The following HDAC8 variants were observed in gnomAD, a reference collection of about 807,000 sequenced individuals.
HDAC8 encodes the protein histone deacetylase 8.
In HDAC8, 1 loss-of-function variant was observed where a neutral mutation model predicts 32.2. The observed-to-expected ratio is 0.03, with a 90% confidence interval of 0.01 to 0.15. The LOEUF (loss-of-function observed/expected upper bound fraction) is 0.15. HDAC8 is among the 10% of genes least tolerant of loss of function. The probability of loss-of-function intolerance (pLI) is 1.00; values close to 1 mark genes in which losing one functional copy is unlikely to be tolerated. For synonymous variants in HDAC8, 108 were observed against 113.9 expected (o/e 0.95, Z 0.33); for missense variants, 117 against 300.0 (o/e 0.39, Z 4.51).
chrX:72,376,361 T>G (rs145093713), intron 9 of HDAC8, among the ~76,000 whole-genome samples: 71 of 112,403 alleles, frequency 6.3e-4, no homozygotes, highest in African/African-American at 2.2e-3. Flanking sequence ...TTTCACCAAA[T>G]TTCTCTACTG....
intron 10 of HDAC8, among the ~76,000 whole-genome samples, chrX:72,331,033 A>G (rs188503269): frequency 5.0e-4 from 50 of 99,557 alleles, no homozygotes; most frequent in African/African-American, 1.7e-3. Flanking sequence ...GCTCACTGCA[A>G]TCTCCCGGGT....
chrX:72,572,125 T>TAAA lies in HDAC8; in HGVS notation c.112-19_112-17dup. 3 of 993,265 alleles carry TAAA rather than the reference T, an allele frequency of 3.0e-6. No homozygotes were observed. The highest frequency in any genetic ancestry group is 3.2e-5 in the Admixed American group (1 of 30,975). 81.9% of individuals were successfully genotyped at this position (993,265 alleles called of 1,213,427 possible). On this transcript the variant is annotated splice_polypyrimidine_tract_variant and intron_variant, in intron 1 of 10. Coordinates refer to ENST00000373573, the MANE Select transcript of HDAC8 (RefSeq NM_018486.3). ...CCATACTGGCCTAAAAACATCAGCG[T>TAAA]AAAAAAAAAAAAAGAAAAGCAGAAA...
chrX:72,396,882 T>C (rs782198366), intron 9 of HDAC8, among the ~76,000 whole-genome samples: 4 of 110,555 alleles, frequency 3.6e-5, no homozygotes, highest in Non-Finnish European at 5.6e-5. Context: ...GTACTGTGTA[T>C]GAAGCTGTTC....
intron 4 of HDAC8, among the ~76,000 whole-genome samples, chrX:72,497,195 C>T (rs189971255): frequency 3.8e-4 from 42 of 110,986 alleles, no homozygotes; most frequent in African/African-American, 9.2e-4. Context: ...ATAATGATGA[C>T]GAAGATGATG....
intron 9 of HDAC8, among the ~76,000 whole-genome samples, chrX:72,409,523 C>T (rs1406511176): frequency 1.8e-5 from 2 of 112,495 alleles, no homozygotes; most frequent in African/African-American, 6.5e-5. Flanking sequence ...CTGAATTTAT[C>T]ATTGTAATTC....
At chrX:72,489,297 A>G (rs782247794) in intron 6 of HDAC8, 41 of 441,640 alleles carry the variant, frequency 9.3e-5, no homozygotes, top group Non-Finnish European at 1.7e-4. Context: ...AGGTTGACAT[A>G]ACATCAATTT....
At chrX:72,572,565 G>C in intron 1 of HDAC8, 86 bp downstream of exon 1, 1 of 643,944 alleles carries the variant, frequency 1.6e-6, no homozygotes, top group Non-Finnish European at 2.4e-6. Context: ...CCAGCCCAGT[G>C]TCCTCTCCGC....
intron 4 of HDAC8, among the ~76,000 whole-genome samples, chrX:72,531,605 C>T (rs1443626876): frequency 8.9e-6 from 1 of 111,765 alleles, no homozygotes; most frequent in African/African-American, 3.3e-5. Context: ...CATGCATTAA[C>T]AATAACTACT....
At chrX:72,411,989 G>A (rs901180753) in intron 9 of HDAC8, among the ~76,000 whole-genome samples, 4 of 112,072 alleles carry the variant, frequency 3.6e-5, no homozygotes, top group Non-Finnish European at 7.5e-5. Flanking sequence ...TATGGGATAA[G>A]GATGTACAAA....
chrX:72,476,474 T>C (rs147339159), intron 7 of HDAC8, among the ~76,000 whole-genome samples: 1,224 of 111,544 alleles, frequency 0.011, 9 homozygotes, highest in Non-Finnish European at 0.018. Context: ...GGACTGCTCA[T>C]AGTGTAGACT....
At chrX:72,431,534 A>G (rs1207421312) in intron 9 of HDAC8, among the ~76,000 whole-genome samples, 1 of 108,559 alleles carries the variant, frequency 9.2e-6, no homozygotes, top group Non-Finnish European at 1.9e-5. Flanking sequence ...TTTTTTTTTC[A>G]CTTGATTGTG....
At chrX:72,556,568 T>G (rs948322430) in intron 4 of HDAC8, among the ~76,000 whole-genome samples, 9 of 111,473 alleles carry the variant, frequency 8.1e-5, no homozygotes, top group African/African-American at 2.9e-4. Context: ...AGATATTCCA[T>G]GCAAATGGAC....
At chrX:72,515,471 T>A (rs1556024398) in intron 4 of HDAC8, among the ~76,000 whole-genome samples, 1 of 108,815 alleles carries the variant, frequency 9.2e-6, no homozygotes, top group Non-Finnish European at 1.9e-5. Flanking sequence ...AAGAAGCCCC[T>A]TCCCTTCCTT....
At chrX:72,566,010 G>A (rs911997249) in intron 4 of HDAC8, among the ~76,000 whole-genome samples, 4 of 109,344 alleles carry the variant, frequency 3.7e-5, no homozygotes, top group African/African-American at 1.3e-4. Flanking sequence ...ATCCAAGCAT[G>A]GTGGCACGTG....
chrX:72,459,502 A>G (rs2047811533), intron 9 of HDAC8, among the ~76,000 whole-genome samples: 1 of 110,636 alleles, frequency 9.0e-6, no homozygotes, highest in African/African-American at 3.3e-5. Flanking sequence ...GCTGCAACTG[A>G]CCACTGCATT....
At chrX:72,334,180 A>G (rs1267561026) in intron 10 of HDAC8, among the ~76,000 whole-genome samples, 1 of 111,846 alleles carries the variant, frequency 8.9e-6, no homozygotes, top group African/African-American at 3.3e-5. Context: ...AGAAAATTCT[A>G]AAGGCTAGCA....
intron 4 of HDAC8, among the ~76,000 whole-genome samples, chrX:72,515,598 T>TGGGGGGGGGGGGGGG (rs1436119028): frequency 9.0e-5 from 2 of 22,160 alleles, no homozygotes; most frequent in Admixed American, 5.8e-4. Flanking sequence ...GGGGGGGGGG[T>TGGGGGGGGGGGGGGG]GGGGGGGAAG....
intron 9 of HDAC8, among the ~76,000 whole-genome samples, chrX:72,395,122 C>A (rs375160108): frequency 4.5e-5 from 5 of 112,108 alleles, no homozygotes; most frequent in African/African-American, 1.6e-4. Flanking sequence ...GTGCTAAGAG[C>A]AAAAGATTAA....
intron 9 of HDAC8, among the ~76,000 whole-genome samples, chrX:72,416,959 G>A (rs958350758): frequency 9.1e-6 from 1 of 110,490 alleles, no homozygotes; most frequent in Non-Finnish European, 1.9e-5. Context: ...CCCATGAAAT[G>A]GCCCATCTTT....
Sources: gnomAD v4.1 joint callset for allele counts (sites outside exome capture counted in the v4.1 genomes callset) on GRCh38, gnomAD v4.1.1 for gene constraint, MANE v1.5 for transcripts, NCBI Gene and HGNC (gene_info 2026-07-23, HGNC 2026-07-21) for gene names.